TENM3: variants seen among roughly 807,000 people sequenced by gnomAD.
TENM3 encodes teneurin-3.
TENM3 carries 63 observed loss-of-function variants against 255.1 expected under a neutral mutation model. The observed-to-expected ratio is 0.25, with a 90% CI of 0.20 to 0.30. TENM3 has a LOEUF of 0.30. Ranked by LOEUF, TENM3 falls within the 10% of genes least tolerant of loss-of-function variation. The pLI is 1.00. For missense variants in TENM3, 2,929 were observed against 3,461.1 expected (o/e 0.85, Z 3.86); for synonymous variants, 1,306 against 1,322.3 (o/e 0.99, Z 0.27).
chr4:182,655,175 A>T (rs11132139), intron 6 of TENM3, among the ~76,000 whole-genome samples: 11,157 of 152,184 alleles, frequency 0.073, 595 homozygotes, highest in East Asian at 0.24. Flanking sequence ...AACTATACAG[A>T]AATTAAGAAT....
chr4:181,659,133 T>C, the TENM3 span, among the ~76,000 whole-genome samples: 2 of 152,216 alleles, frequency 1.3e-5, no homozygotes, highest in African/African-American at 4.8e-5. Flanking sequence ...ATTCCTAATT[T>C]TGCTTTAAAG....
the TENM3 span, among the ~76,000 whole-genome samples, chr4:181,936,334 G>T: frequency 2.0e-5 from 3 of 152,300 alleles, no homozygotes; most frequent in East Asian, 5.8e-4. Context: ...GGCAGAGGTT[G>T]CAGTGAGCCA....
chr4:181,879,216 C>G, the TENM3 span, among the ~76,000 whole-genome samples: 1 of 151,914 alleles, frequency 6.6e-6, no homozygotes, highest in African/African-American at 2.4e-5. Flanking sequence ...GAATAATATT[C>G]CATACAATTT....
intron 24 of TENM3, among the ~76,000 whole-genome samples, chr4:182,783,661 G>A (rs1486355704): frequency 1.3e-5 from 2 of 151,820 alleles, no homozygotes; most frequent in African/African-American, 4.8e-5. Flanking sequence ...TTTCCAACTT[G>A]GTTCCATTCT....
chr4:182,634,088 A>G lies in TENM3; in HGVS notation c.988+5199A>G, dbSNP rs546520090. ...GTGCTTCTCAGACCACAATATGAGT[A>G]GCACAGGTCTAGGAAATGCTGTCAC... On this transcript the variant is annotated intron_variant, in intron 5 of 27. Coordinates refer to ENST00000511685, the MANE Select transcript of TENM3 (RefSeq NM_001080477.4). 5.9e-5 allele frequency among the ~76,000 whole-genome samples: 9 copies of G among 152,318 alleles called. 1 individual carries two copies. The highest frequency in any genetic ancestry group is 1.7e-4 in the African/African-American group (7 of 41,576).
rs138783384 is a variant in TENM3 at position 182,524,352 on chromosome 4, C to CT, written c.512-76545dup. The stretch of plus-strand genomic sequence containing the variant: ...GTTAATATACCTCCACACTGATGAG[C>CT]TTTTTTTTTTTTTTTTTTTTTTTTT... On this transcript the variant is annotated intron_variant, in intron 3 of 27. Coordinates refer to ENST00000511685, the MANE Select transcript of TENM3 (RefSeq NM_001080477.4). Among the ~76,000 whole-genome samples the CT allele has an allele frequency of 2.5e-3, 150 of 59,476 alleles. 13 individuals carry two copies. The highest frequency in any genetic ancestry group is 6.8e-3 in the African/African-American group (96 of 14,124). The allele number at this position is 59,476 out of a possible 152,430, so 39.0% of individuals were successfully genotyped here.
chr4:182,633,230 C>T (rs1235894353), intron 5 of TENM3, among the ~76,000 whole-genome samples: 1 of 152,176 alleles, frequency 6.6e-6, no homozygotes, highest in Non-Finnish European at 1.5e-5. Context: ...CCACTGTGCC[C>T]AGCCGAGGAT....
the TENM3 span, among the ~76,000 whole-genome samples, chr4:181,689,256 A>C: frequency 1.3e-5 from 2 of 152,226 alleles, no homozygotes; most frequent in African/African-American, 2.4e-5. Context: ...GGCAAAACTC[A>C]TCTGAAAATT....
the TENM3 span, among the ~76,000 whole-genome samples, chr4:181,810,822 C>T: frequency 6.6e-6 from 1 of 152,062 alleles, no homozygotes; most frequent in Non-Finnish European, 1.5e-5. Flanking sequence ...AAGCCAGGGA[C>T]AGAGGCTGTT....
At chr4:182,172,581 A>G (rs4862033) in intron 1 of TENM3, among the ~76,000 whole-genome samples, 91,220 of 151,900 alleles carry the variant, frequency 0.6, 27,996 homozygotes, top group Non-Finnish European at 0.67. Flanking sequence ...GAATAACCCT[A>G]TACTCAAAAT....
At chr4:182,533,506 T>A (rs1215648375) in intron 3 of TENM3, among the ~76,000 whole-genome samples, 1 of 139,714 alleles carries the variant, frequency 7.2e-6, no homozygotes, top group African/African-American at 2.7e-5. Flanking sequence ...ACCACTGCAC[T>A]CCTGCCTGGG....
At chr4:182,602,534 T>A (rs543752182) in intron 4 of TENM3, among the ~76,000 whole-genome samples, 1 of 152,342 alleles carries the variant, frequency 6.6e-6, no homozygotes, top group African/African-American at 2.4e-5. Context: ...TTTCTTTTAC[T>A]CTTGACCTAA....
chr4:182,428,169 C>T (rs1043570118), intron 3 of TENM3, among the ~76,000 whole-genome samples: 1 of 152,074 alleles, frequency 6.6e-6, no homozygotes, highest in Non-Finnish European at 1.5e-5. Flanking sequence ...ATGGATACTG[C>T]ATTAGGTGCT....
At chr4:181,894,564 A>T in the TENM3 span, among the ~76,000 whole-genome samples, 3 of 152,306 alleles carry the variant, frequency 2.0e-5, no homozygotes, top group East Asian at 5.8e-4. Context: ...CCATCGGTTT[A>T]TCGTATTTAT....
intron 3 of TENM3, among the ~76,000 whole-genome samples, chr4:182,431,917 A>G (rs764166530): frequency 6.6e-5 from 10 of 152,026 alleles, no homozygotes; most frequent in Non-Finnish European, 1.5e-4. Flanking sequence ...TCTCTACTAA[A>G]AATAGAAAAA....
the TENM3 span, among the ~76,000 whole-genome samples, chr4:182,076,213 CTTTT>C: frequency 9.0e-4 from 114 of 126,344 alleles, no homozygotes; most frequent in Middle Eastern, 4.2e-3. Flanking sequence ...TCTTCTTCTT[CTTTT>C]TTTTTTTTTT....
At chr4:182,781,160 T>G (rs1300979914) in intron 24 of TENM3, among the ~76,000 whole-genome samples, 1 of 151,972 alleles carries the variant, frequency 6.6e-6, no homozygotes, top group Admixed American at 6.6e-5. Context: ...TGCTTCCAGT[T>G]TTTGCCCATT....
the TENM3 span, among the ~76,000 whole-genome samples, chr4:181,797,654 T>A: frequency 1.3e-5 from 2 of 152,208 alleles, no homozygotes; most frequent in Non-Finnish European, 2.9e-5. Flanking sequence ...GGACACTTCA[T>A]AGCTGAAGTG....
rs190251628 is a variant in TENM3, at chr4:182,276,306, T to G, written c.-76+32830T>G. Reference sequence around the variant, plus strand: ...TTGACCTTTTATCACGTGAAAAGAATAGAATTCAAGTCAACTTAAACGGTT... The same window carrying G: ...TTGACCTTTTATCACGTGAAAAGAAGAGAATTCAAGTCAACTTAAACGGTT... On this transcript the variant is annotated intron_variant, in intron 1 of 27. Coordinates refer to ENST00000511685, the MANE Select transcript of TENM3 (RefSeq NM_001080477.4). 7.4e-4 allele frequency among the ~76,000 whole-genome samples: 112 copies of G among 152,306 alleles called. 1 individual carries two copies. The Middle Eastern group carries it at 0.017, about 23-fold the overall frequency.
Sources: allele counts gnomAD v4.1 joint callset (sites outside exome capture counted in the v4.1 genomes callset), GRCh38; gene constraint gnomAD v4.1.1; transcripts MANE v1.5; gene names NCBI Gene and HGNC (gene_info 2026-07-23, HGNC 2026-07-21).